Variants in TSNARE1 observed in about 807,000 individuals in gnomAD.
TSNARE1 encodes t-SNARE domain-containing protein 1.
A neutral mutation model predicts 62.0 loss-of-function variants in TSNARE1; 49 were observed. That is an observed-to-expected ratio of 0.79 (90% CI 0.63 to 1.00). TSNARE1 has a LOEUF of 1.00. Ranked by LOEUF, TSNARE1 falls within the 50% of genes least tolerant of loss-of-function variation. TSNARE1 has a pLI of 0.00. For missense variants in TSNARE1, 755 were observed against 700.1 expected, an observed-to-expected ratio of 1.08 and a Z score of -0.88; for synonymous variants, 328 against 294.4, an observed-to-expected ratio of 1.11 and a Z score of -1.17.
intron 12 of TSNARE1, among the ~76,000 whole-genome samples, chr8:142,262,099 C>A (rs951559221): frequency 6.6e-6 from 1 of 152,240 alleles, no homozygotes; most frequent in Admixed American, 6.5e-5. Flanking sequence ...ACACCGAAGT[C>A]CCCTTCAGGC....
At chr8:142,269,997 C>T in intron 12 of TSNARE1, 1 of 985,446 alleles carries the variant, frequency 1.0e-6, no homozygotes. Context: ...CAGAGCTTCC[C>T]CGGAAGCTCC....
chr8:142,227,018 AGCC>A (rs1816826198), intron 13 of TSNARE1, among the ~76,000 whole-genome samples: 12 of 77,530 alleles, frequency 1.5e-4, no homozygotes, highest in African/African-American at 6.6e-4. Flanking sequence ...GTGACAGCCA[AGCC>A]CCCCACTGCA....
chr8:142,390,080 G>A (rs74854598), intron 1 of TSNARE1, among the ~76,000 whole-genome samples: 1 of 152,222 alleles, frequency 6.6e-6, no homozygotes, highest in Admixed American at 6.5e-5. Context: ...GAAAAGGTAC[G>A]GCAGAAATAC....
At chr8:142,246,290 T>C (rs7820538) in intron 12 of TSNARE1, among the ~76,000 whole-genome samples, 79,243 of 151,946 alleles carry the variant, frequency 0.52, 21,520 homozygotes, top group African/African-American at 0.65. Context: ...AGGGTCCTCT[T>C]GAGGGCTCCA....
At chr8:142,299,859 A>G (rs1458286305) in intron 10 of TSNARE1, among the ~76,000 whole-genome samples, 5 of 152,280 alleles carry the variant, frequency 3.3e-5, no homozygotes, top group East Asian at 1.9e-4. Flanking sequence ...ACCATAGGCT[A>G]GAGACACATT....
intron 1 of TSNARE1, among the ~76,000 whole-genome samples, chr8:142,373,965 A>C (rs1359011625): frequency 6.6e-6 from 1 of 152,184 alleles, no homozygotes; most frequent in African/African-American, 2.4e-5. Context: ...TGTGTGGAGC[A>C]AAGGGGAAGT....
chr8:142,252,699 C>T (rs1009975490), intron 12 of TSNARE1, among the ~76,000 whole-genome samples: 5 of 152,200 alleles, frequency 3.3e-5, no homozygotes, highest in South Asian at 2.1e-4. Context: ...AATAGCACTG[C>T]GAGGGCCGTT....
intron 12 of TSNARE1, chr8:142,273,666 T>C: frequency 2.0e-6 from 2 of 985,328 alleles, no homozygotes; most frequent in South Asian, 9.4e-5. Context: ...AGGCCCAAAC[T>C]GGGATCAGCC....
intron 9 of TSNARE1, 101 bp downstream of exon 9, chr8:142,314,283 C>T: frequency 8.7e-7 from 1 of 1,149,386 alleles, no homozygotes; most frequent in African/African-American, 1.5e-5. Context: ...AGATGACACC[C>T]CTGCCCTTGG....
chr8:142,237,006 A>G (rs1817462241), intron 12 of TSNARE1, among the ~76,000 whole-genome samples: 2 of 152,086 alleles, frequency 1.3e-5, no homozygotes, highest in African/African-American at 2.4e-5. Context: ...GGAAGAGCCC[A>G]TGGTTATGAG....
upstream of TSNARE1, chr8:142,404,373 T>G (rs974781641): frequency 1.3e-5 from 2 of 152,306 alleles, no homozygotes; most frequent in South Asian, 2.1e-4. Flanking sequence ...GGACACCAGG[T>G]GCAAGTGCAC....
At chr8:142,331,119 G>A (rs1830968203) in intron 5 of TSNARE1, 149 bp from the exon 6 acceptor site, 2 of 664,676 alleles carry the variant, frequency 3.0e-6, no homozygotes, top group Admixed American at 2.6e-5. Context: ...AAGTGGCCTG[G>A]AGGCCAGGGT....
chr8:142,302,303 C>A (rs887520194), intron 9 of TSNARE1, among the ~76,000 whole-genome samples: 2 of 152,206 alleles, frequency 1.3e-5, no homozygotes, highest in Non-Finnish European at 2.9e-5. Context: ...CCTGCCCAGG[C>A]AGGTGCTCTC....
chr8:142,348,440 C>T (rs907479910), intron 2 of TSNARE1, among the ~76,000 whole-genome samples: 6 of 152,164 alleles, frequency 3.9e-5, no homozygotes, highest in African/African-American at 1.2e-4. Context: ...AGAGGAAGCA[C>T]GGCTGGGCTA....
chr8:142,314,287 C>T, intron 9 of TSNARE1, 97 bp downstream of exon 9: 1 of 1,183,512 alleles, frequency 8.4e-7, no homozygotes, highest in East Asian at 2.5e-5. Flanking sequence ...GACACCCCTG[C>T]CCTTGGCCCT....
At chr8:142,361,038 C>A (rs888080784) in intron 1 of TSNARE1, among the ~76,000 whole-genome samples, 20 of 152,348 alleles carry the variant, frequency 1.3e-4, no homozygotes, top group African/African-American at 4.3e-4. Flanking sequence ...ACAGCTCCAG[C>A]CCCTCAGCCT....
chr8:142,260,981 G>A (rs1452741677), intron 12 of TSNARE1, among the ~76,000 whole-genome samples: 1 of 10,046 alleles, frequency 1.0e-4, no homozygotes, highest in Non-Finnish European at 2.8e-4. Context: ...AGGGAGGGAG[G>A]GAGGAGAGAG....
At chr8:142,357,895 C>T (rs911440167) in intron 1 of TSNARE1, among the ~76,000 whole-genome samples, 1 of 152,188 alleles carries the variant, frequency 6.6e-6, no homozygotes, top group Non-Finnish European at 1.5e-5. Flanking sequence ...GCCACGAAAG[C>T]CACGGCGGAG....
At chr8:142,264,953 GT>G (rs1473695059) in intron 12 of TSNARE1, among the ~76,000 whole-genome samples, 2 of 152,046 alleles carry the variant, frequency 1.3e-5, no homozygotes, top group African/African-American at 2.4e-5. Flanking sequence ...TTTCTTCTGT[GT>G]TATCTGCTTC....
Sources: gnomAD v4.1 joint callset for allele counts (sites outside exome capture counted in the v4.1 genomes callset) on GRCh38, gnomAD v4.1.1 for gene constraint, MANE v1.5 for transcripts, NCBI Gene and HGNC (gene_info 2026-07-23, HGNC 2026-07-21) for gene names.